The following GRHPR variants were observed in gnomAD, a reference collection of about 807,000 sequenced individuals.
The protein encoded by GRHPR is glyoxylate and hydroxypyruvate reductase.
GRHPR carries 35 observed loss-of-function variants against 36.8 expected under a neutral mutation model. The ratio of observed to expected loss-of-function variants is 0.95; its 90% CI spans 0.73 to 1.26. GRHPR has a LOEUF of 1.26. Ranked by LOEUF, GRHPR falls within the 50% of genes most tolerant of loss-of-function variation. The probability of loss-of-function intolerance (pLI) is 0.00; values close to 1 mark genes in which losing one functional copy is unlikely to be tolerated. For synonymous variants in GRHPR, 179 were observed against 181.0 expected, an observed-to-expected ratio of 0.99 and a Z score of 0.09; for missense variants, 380 against 435.0, an observed-to-expected ratio of 0.87 and a Z score of 1.12.
chr9:37,437,607 T>A (rs557653556), downstream of GRHPR, among the ~76,000 whole-genome samples: 40 of 152,278 alleles, frequency 2.6e-4, no homozygotes, highest in African/African-American at 9.6e-4. Context: ...GGGTTTAATT[T>A]TAAAATTAGT....
In GRHPR at chr9:37,436,785, AAACAG is replaced by A. The variant is rs774788936; in HGVS notation, c.*4_*8del. 15 of 1,613,890 alleles carry A rather than the reference AAACAG, an allele frequency of 9.3e-6. No homozygotes were observed. In the African/African-American group the frequency reaches 1.9e-4, roughly 20 times the overall value. The stretch of plus-strand genomic sequence containing the variant: ...TGCCTAGTGAACTCAAGCTGTAGCC[AAACAG>A]TAGAGATGGAGGGCCGGGAAGCAAA... On this transcript the variant is annotated 3_prime_UTR_variant, in exon 9 of 9. Coordinates refer to ENST00000318158, the MANE Select transcript of GRHPR (RefSeq NM_012203.2).
rs371694629 is a variant in GRHPR at position 37,435,571 on chromosome 9, AGAG to A, written c.866-1086_866-1084del. Among the ~76,000 whole-genome samples, 394 of 152,282 alleles carry A rather than the reference AGAG, an allele frequency of 2.6e-3. 2 individuals carry two copies. Among genetic ancestry groups the A allele is most frequent in the African/African-American group, 9.0e-3 (373 of 41,550 alleles). ...GAGGAGGGGACCTAATTGTTACCAG[AGAG>A]GAGAAGAAACTCTGTGAATTAAGTA... On this transcript the variant is annotated intron_variant, in intron 8 of 8. Transcript: ENST00000318158.
At chr9:37,427,454 C>T (rs1407620862) in intron 4 of GRHPR, among the ~76,000 whole-genome samples, 1 of 152,172 alleles carries the variant, frequency 6.6e-6, no homozygotes, top group East Asian at 1.9e-4. Context: ...GTGGAATCTA[C>T]CACGTGCGCC....
chr9:37,438,570 A>G (rs1439688008), downstream of GRHPR: 1 of 151,998 alleles, frequency 6.6e-6, no homozygotes, highest in Non-Finnish European at 1.5e-5. Flanking sequence ...TCCTGGCACC[A>G]CCTCCTCCAA....
rs893646470 is a variant in GRHPR at position 37,436,868 on chromosome 9, G to C, written c.*86G>C. The C allele has an allele frequency of 9.9e-6, 14 of 1,410,234 alleles. No individual in the cohort carries two copies. The highest frequency in any genetic ancestry group is 1.4e-5 in the Non-Finnish European group (14 of 995,564). 87.4% of individuals were successfully genotyped at this position (1,410,234 alleles called of 1,614,324 possible). A position where few individuals can be genotyped will look rare whatever the true frequency, so the allele number is the denominator to read the frequency against. On this transcript the variant is annotated 3_prime_UTR_variant, in exon 9 of 9. Transcript: ENST00000318158. ...CAGGCTTGATTTGGATCCACAGGCAGAGCCAAGGGAAGGTGTGATTCTCTG... is the reference window on the plus strand; with the variant it reads ...CAGGCTTGATTTGGATCCACAGGCACAGCCAAGGGAAGGTGTGATTCTCTG...
chr9:37,429,552 C>CT (rs1823248538), intron 5 of GRHPR, 180 bp from the exon 6 acceptor site: 2 of 687,976 alleles, frequency 2.9e-6, no homozygotes, highest in Non-Finnish European at 5.3e-6. Context: ...TGTGGGCTGG[C>CT]TGGGGGCTAG....
At chr9:37,424,111 A>T (rs933453223) in intron 1 of GRHPR, among the ~76,000 whole-genome samples, 2 of 152,180 alleles carry the variant, frequency 1.3e-5, no homozygotes, top group African/African-American at 4.8e-5. Context: ...ACTGCAACAA[A>T]ACCTTTGCCA....
At chr9:37,425,326 T>C (rs1823029475) in intron 2 of GRHPR, among the ~76,000 whole-genome samples, 1 of 152,240 alleles carries the variant, frequency 6.6e-6, no homozygotes, top group Admixed American at 6.5e-5. Flanking sequence ...AGGGAGGACC[T>C]AGCTCAGTGC....
At chr9:37,426,036 G>T (rs757286515) in intron 3 of GRHPR, 42 bp downstream of exon 3, 1 of 1,306,546 alleles carries the variant, frequency 7.7e-7, no homozygotes, top group Non-Finnish European at 1.1e-6. Flanking sequence ...AGAGAGAGGG[G>T]TGGCTATGAG....
At chr9:37,422,603 C>G, upstream of GRHPR, 1 of 693,944 alleles carries the variant, frequency 1.4e-6, no homozygotes. Flanking sequence ...CAGCCGCAAC[C>G]CGGCGCTCCC....
chr9:37,424,176 G>A (rs1236158566), intron 1 of GRHPR, among the ~76,000 whole-genome samples: 1 of 152,226 alleles, frequency 6.6e-6, no homozygotes, highest in African/African-American at 2.4e-5. Flanking sequence ...CGCGCCCATG[G>A]TAACAGTAGC....
At chr9:37,423,662 C>T (rs936741211) in intron 1 of GRHPR, among the ~76,000 whole-genome samples, 1 of 151,550 alleles carries the variant, frequency 6.6e-6, no homozygotes, top group Non-Finnish European at 1.5e-5. Flanking sequence ...TTTTCAAAGA[C>T]GAGGGTCTCA....
Position 37,424,914 on chromosome 9 carries a change from G to A in GRHPR, c.153G>A (p.Gly51=). 6.2e-7 allele frequency: 1 copy of A among 1,612,784 alleles called. No individual in the cohort carries two copies. The highest frequency in any genetic ancestry group is 8.5e-7 in the Non-Finnish European group (1 of 1,179,856). ...AGGAGCTAGAGCGAGGTGTGGCGGG[G>A]GCCCACGGCCTGCTCTGCCTCCTCT... ...PAKELERGVA[G]AHGLLCLLSD... is the part of the protein sequence containing the mutation. Residue 51 remains glycine, a synonymous_variant, in exon 2 of 9, where the codon GGG becomes GGA. Transcript: ENST00000318158.
At chr9:37,424,739 C>T (rs888429986) in intron 1 of GRHPR, 106 bp from the exon 2 acceptor site, 31 of 1,352,522 alleles carry the variant, frequency 2.3e-5, no homozygotes, top group East Asian at 1.5e-4. Flanking sequence ...CAGCCAGCCC[C>T]GGGCAGCCTG....
chr9:37,431,645 A>C (rs1394322566), intron 7 of GRHPR: 1 of 313,944 alleles, frequency 3.2e-6, no homozygotes, highest in East Asian at 8.2e-5. Flanking sequence ...GGGGCCTAAC[A>C]CAGATGCCCT....
intron 2 of GRHPR, 38 bp from the exon 3 acceptor site, chr9:37,425,875 TGAGTTCCTC>T (rs1284512161): frequency 1.5e-6 from 2 of 1,305,558 alleles, no homozygotes; most frequent in Non-Finnish European, 2.2e-6. Context: ...GCTGTGGCTT[TGAGTTCCTC>T]GAGGAAAGAT....
intron 2 of GRHPR, 143 bp from the exon 3 acceptor site, chr9:37,425,779 T>A: frequency 3.0e-6 from 2 of 664,550 alleles, no homozygotes; most frequent in South Asian, 1.7e-5. Flanking sequence ...AAGGGGATTA[T>A]TCAGAGTTTT....
chr9:37,430,866 A>C, intron 7 of GRHPR: 1 of 659,220 alleles, frequency 1.5e-6, no homozygotes, highest in East Asian at 3.1e-5. Flanking sequence ...GCTTCTCAGC[A>C]GTGGCCCCCA....
intron 8 of GRHPR, among the ~76,000 whole-genome samples, chr9:37,435,940 C>T (rs1280736741): frequency 6.6e-6 from 1 of 151,940 alleles, no homozygotes; most frequent in Non-Finnish European, 1.5e-5. Flanking sequence ...ACCCAGCTGA[C>T]GGTTCTTTGG....
Sources: allele counts gnomAD v4.1 joint callset (sites outside exome capture counted in the v4.1 genomes callset), GRCh38; gene constraint gnomAD v4.1.1; transcripts MANE v1.5; gene names NCBI Gene and HGNC (gene_info 2026-07-23, HGNC 2026-07-21).